PLEKHB2: variants seen among roughly 807,000 people sequenced by gnomAD.
PLEKHB2 encodes the protein pleckstrin homology domain-containing family B member 2.
PLEKHB2 carries 31 observed loss-of-function variants against 36.5 expected under a neutral mutation model. That is an observed-to-expected ratio of 0.85 (90% CI 0.64 to 1.15). The LOEUF is 1.15. Among genes scored for constraint, PLEKHB2 ranks in the 50% most tolerant of loss-of-function variants. PLEKHB2 has a pLI of 0.00. For synonymous variants in PLEKHB2, 119 were observed against 112.0 expected (o/e 1.06, Z -0.39); for missense variants, 262 against 295.3 (o/e 0.89, Z 0.83).
At chr2:131,131,529 A>G (rs1232770237) in intron 5 of PLEKHB2, among the ~76,000 whole-genome samples, 7 of 152,032 alleles carry the variant, frequency 4.6e-5, no homozygotes, top group Non-Finnish European at 7.4e-5. Flanking sequence ...GGAGTGTGTT[A>G]CTCTGGTCAG....
intron 7 of PLEKHB2, among the ~76,000 whole-genome samples, chr2:131,145,815 T>C (rs1699230146): frequency 6.6e-6 from 1 of 152,228 alleles, no homozygotes; most frequent in South Asian, 2.1e-4. Flanking sequence ...TAAATTTGTC[T>C]GTGGTTTGTT....
chr2:131,109,544 G>A (rs769055806), intron 1 of PLEKHB2, among the ~76,000 whole-genome samples: 1 of 151,990 alleles, frequency 6.6e-6, no homozygotes, highest in Admixed American at 6.6e-5. Context: ...ACAAAAATCA[G>A]CTGTGCGTGG....
intron 1 of PLEKHB2, among the ~76,000 whole-genome samples, chr2:131,112,914 C>G (rs1476292412): frequency 2.0e-5 from 3 of 152,124 alleles, no homozygotes; most frequent in Non-Finnish European, 4.4e-5. Context: ...TTTTCTTTCT[C>G]ACTGACTTAA....
intron 7 of PLEKHB2, chr2:131,144,486 T>C: frequency 2.2e-6 from 2 of 919,706 alleles, no homozygotes; most frequent in South Asian, 1.1e-4. Context: ...TTGGGGACTA[T>C]AGTCCTCCCA....
In PLEKHB2 at chr2:131,149,792, A is replaced by AT. The variant is rs1699552507; in HGVS notation, c.*3021dup. 1 of 152,230 alleles carries AT rather than the reference A, an allele frequency of 6.6e-6. No homozygotes were observed. The highest frequency in any genetic ancestry group is 2.4e-5 in the African/African-American group (1 of 41,456). The allele number at this position is 152,230 out of a possible 1,614,324, so 9.4% of individuals were successfully genotyped here. A position where few individuals can be genotyped will look rare whatever the true frequency, so the allele number is the denominator to read the frequency against. ...AACTGATTTTTTCCTACATACGCAAATTGTACATTTGTAAGTGAAAATGTC... is the reference window on the plus strand; with the variant it reads ...AACTGATTTTTTCCTACATACGCAAATTTGTACATTTGTAAGTGAAAATGTC... On this transcript the variant is annotated 3_prime_UTR_variant, in exon 8 of 8. Coordinates refer to ENST00000693505, the MANE Select transcript of PLEKHB2 (RefSeq NM_001100623.2).
At chr2:131,109,496 C>T (rs1695068277) in intron 1 of PLEKHB2, among the ~76,000 whole-genome samples, 1 of 152,002 alleles carries the variant, frequency 6.6e-6, no homozygotes, top group African/African-American at 2.4e-5. Context: ...TTGAGACCAG[C>T]CTGACCAACG....
At chr2:131,126,997 A>G (rs1201977170) in intron 4 of PLEKHB2, 1 of 507,744 alleles carries the variant, frequency 2.0e-6, no homozygotes, top group African/African-American at 1.9e-5. Flanking sequence ...TGTGGTGAAA[A>G]TGGCAGAAAG....
chr2:131,129,393 A>C (rs957799474), intron 4 of PLEKHB2, among the ~76,000 whole-genome samples: 1 of 151,754 alleles, frequency 6.6e-6, no homozygotes, highest in African/African-American at 2.4e-5. Flanking sequence ...GAATCTTTCA[A>C]CTCAGGGAGA....
intron 1 of PLEKHB2, among the ~76,000 whole-genome samples, chr2:131,105,759 C>T (rs1310890409): frequency 6.6e-6 from 1 of 152,220 alleles, no homozygotes; most frequent in African/African-American, 2.4e-5. Context: ...GGACCCTCCT[C>T]CTTTCCCGAC....
intron 1 of PLEKHB2, among the ~76,000 whole-genome samples, chr2:131,113,210 T>A (rs1231975746): frequency 1.3e-5 from 2 of 152,074 alleles, no homozygotes; most frequent in Non-Finnish European, 2.9e-5. Flanking sequence ...AGCCCCCCAG[T>A]AGCTGGGACT....
intron 6 of PLEKHB2, among the ~76,000 whole-genome samples, chr2:131,136,175 C>G (rs1259447757): frequency 7.7e-6 from 1 of 130,372 alleles, no homozygotes. Context: ...CTCCCTCCCT[C>G]CCTCCCTCTC....
At chr2:131,143,484 T>G (rs982330714) in intron 7 of PLEKHB2, among the ~76,000 whole-genome samples, 1 of 152,210 alleles carries the variant, frequency 6.6e-6, no homozygotes, top group Non-Finnish European at 1.5e-5. Flanking sequence ...ACATCCCAGA[T>G]TTTTAATCAT....
At chr2:131,109,802 C>CT (rs973087779) in intron 1 of PLEKHB2, among the ~76,000 whole-genome samples, 27 of 152,062 alleles carry the variant, frequency 1.8e-4, no homozygotes, top group East Asian at 1.9e-4. Flanking sequence ...CTATTTTCAC[C>CT]TTTTTTTGGC....
intron 4 of PLEKHB2, among the ~76,000 whole-genome samples, chr2:131,127,938 G>A (rs1573580611): frequency 6.6e-6 from 1 of 152,192 alleles, no homozygotes. Flanking sequence ...GCAGTGAAAG[G>A]CACTGAAGCT....
intron 6 of PLEKHB2, among the ~76,000 whole-genome samples, chr2:131,137,945 A>C (rs1468919430): frequency 6.6e-6 from 1 of 151,336 alleles, no homozygotes; most frequent in African/African-American, 2.4e-5. Flanking sequence ...TTCCAACCTC[A>C]GCCACTTTCT....
At chr2:131,141,537 G>A (rs914575662) in intron 7 of PLEKHB2, among the ~76,000 whole-genome samples, 2 of 151,714 alleles carry the variant, frequency 1.3e-5, no homozygotes, top group African/African-American at 4.8e-5. Flanking sequence ...CTACTCGGGA[G>A]GCTGAGGCTG....
chr2:131,141,501 A>G (rs571485119), intron 7 of PLEKHB2, among the ~76,000 whole-genome samples: 2 of 151,972 alleles, frequency 1.3e-5, no homozygotes, highest in African/African-American at 4.8e-5. Context: ...TTAGCTGGGC[A>G]TGGTGGCGGG....
Position 131,125,918 on chromosome 2 carries a change from G to T in PLEKHB2, c.190+13G>T. The T allele has an allele frequency of 6.2e-7, 1 of 1,610,250 alleles. No homozygotes were observed. The highest frequency in any genetic ancestry group is 2.2e-5 in the East Asian group (1 of 44,820). Reference sequence around the variant, plus strand: ...CAGGAATGTCGGGGTAAGCTGGCCTGTCTTGGCCAACTTCTGTCTTCTGCT... The same window carrying T: ...CAGGAATGTCGGGGTAAGCTGGCCTTTCTTGGCCAACTTCTGTCTTCTGCT... On this transcript the variant is annotated intron_variant, in intron 3 of 7. Coordinates refer to ENST00000693505, the MANE Select transcript of PLEKHB2 (RefSeq NM_001100623.2).
At chr2:131,132,688 G>A (rs1573598804) in intron 5 of PLEKHB2, among the ~76,000 whole-genome samples, 3 of 152,304 alleles carry the variant, frequency 2.0e-5, no homozygotes, top group East Asian at 1.9e-4. Context: ...GTTAGGGGCC[G>A]AGTGAGGACC....
Sources: gnomAD v4.1 joint callset for allele counts (sites outside exome capture counted in the v4.1 genomes callset) on GRCh38, gnomAD v4.1.1 for gene constraint, MANE v1.5 for transcripts, NCBI Gene and HGNC (gene_info 2026-07-23, HGNC 2026-07-21) for gene names.